ADAM28: variants seen among roughly 807,000 people sequenced by gnomAD.
ADAM28 encodes the protein disintegrin and metalloproteinase domain-containing protein 28.
In ADAM28, 105 loss-of-function variants were observed where a neutral mutation model predicts 101.2. That is an observed-to-expected ratio of 1.04 (90% CI 0.89 to 1.22). The LOEUF is 1.22. Ranked by LOEUF, ADAM28 falls within the 50% of genes most tolerant of loss-of-function variation. ADAM28 has a pLI of 0.00. For missense variants in ADAM28, 1,028 were observed against 945.4 expected (o/e 1.09, Z -1.15); for synonymous variants, 322 against 310.6 (o/e 1.04, Z -0.39).
rs574839564 is a variant in ADAM28 at position 24,319,116 on chromosome 8, T to C, written c.577-1120T>C. On this transcript the variant is annotated intron_variant, in intron 6 of 22. Coordinates refer to ENST00000265769, the MANE Select transcript of ADAM28 (RefSeq NM_014265.6). ...TATGTTATAAAAACACAAGCACTTT[T>C]TTTCTATGCTCTAAATATGCCAATA... 1.5e-3 allele frequency among the ~76,000 whole-genome samples: 230 copies of C among 152,126 alleles called. 4 individuals carry two copies. The South Asian group carries it at 0.021, about 14-fold the overall frequency.
intron 9 of ADAM28, among the ~76,000 whole-genome samples, chr8:24,326,344 C>G (rs141600475): frequency 9.2e-5 from 14 of 152,046 alleles, no homozygotes; most frequent in Non-Finnish European, 1.6e-4. Context: ...AAATATTCAA[C>G]ATAATTCTAT....
At chr8:24,350,287 C>T (rs1312864376) in intron 19 of ADAM28, among the ~76,000 whole-genome samples, 2 of 151,994 alleles carry the variant, frequency 1.3e-5, no homozygotes, top group African/African-American at 2.4e-5. Context: ...GATCAATATA[C>T]GATGAGCACT....
chr8:24,318,144 G>C (rs1811406376), intron 6 of ADAM28, among the ~76,000 whole-genome samples: 1 of 151,968 alleles, frequency 6.6e-6, no homozygotes, highest in African/African-American at 2.4e-5. Context: ...TGAACAGTTG[G>C]CCACCTTTGA....
chr8:24,350,761 T>G (rs1415732902), intron 19 of ADAM28, among the ~76,000 whole-genome samples: 1 of 152,160 alleles, frequency 6.6e-6, no homozygotes, highest in African/African-American at 2.4e-5. Context: ...TTGATGGATA[T>G]AGAAACAAGC....
At chr8:24,351,929 TA>T in intron 20 of ADAM28, 57 bp from the exon 21 acceptor site, 2 of 1,586,332 alleles carry the variant, frequency 1.3e-6, no homozygotes, top group Middle Eastern at 1.7e-4. Flanking sequence ...AAAAATTACT[TA>T]AAAACTGTGC....
At chr8:24,328,929 A>AG (rs200581898) in intron 10 of ADAM28, among the ~76,000 whole-genome samples, 2,154 of 152,008 alleles carry the variant, frequency 0.014, 54 homozygotes, top group African/African-American at 0.049. Context: ...CTCAAAAAAA[A>AG]AAAATGGACC....
rs563234270 is a variant in ADAM28, at chr8:24,311,266, G to C, written c.307-95G>C. 2.2e-4 allele frequency: 184 copies of C among 834,128 alleles called. 4 individuals carry two copies. The South Asian group carries it at 3.2e-3, about 15-fold the overall frequency. 51.7% of individuals were successfully genotyped at this position (834,128 alleles called of 1,614,324 possible). ...TTGTACAGCAGAATATTGTTTGAAA[G>C]CATTTAAAATCCTGTTTCAAGATTT... is the stretch of plus-strand genomic sequence containing the variant. On this transcript the variant is annotated intron_variant, in intron 4 of 22. Transcript: ENST00000265769.
At chr8:24,301,821 C>G (rs1808820090) in intron 2 of ADAM28, among the ~76,000 whole-genome samples, 1 of 152,158 alleles carries the variant, frequency 6.6e-6, no homozygotes, top group African/African-American at 2.4e-5. Context: ...TTCTGTTACA[C>G]TAAAGTCTAA....
intron 2 of ADAM28, 112 bp downstream of exon 2, chr8:24,300,189 T>C: frequency 1.2e-5 from 10 of 861,450 alleles, no homozygotes; most frequent in Non-Finnish European, 1.6e-5. Context: ...TATGTTTATA[T>C]ATGTGTGTGT....
chr8:24,352,679 T>C (rs115187102), intron 21 of ADAM28, among the ~76,000 whole-genome samples: 2,777 of 152,236 alleles, frequency 0.018, 98 homozygotes, highest in African/African-American at 0.064. Context: ...CCTATTGACA[T>C]TGGACTTAGG....
intron 1 of ADAM28, among the ~76,000 whole-genome samples, chr8:24,295,050 C>A (rs1807780672): frequency 6.6e-6 from 1 of 152,174 alleles, no homozygotes; most frequent in African/African-American, 2.4e-5. Context: ...AACAGATTAT[C>A]AACTAGAGGT....
intron 2 of ADAM28, among the ~76,000 whole-genome samples, chr8:24,305,550 C>T (rs1408176581): frequency 7.2e-6 from 1 of 138,072 alleles, no homozygotes; most frequent in African/African-American, 2.7e-5. Context: ...AACATAAATA[C>T]TTGTTTCATT....
chr8:24,329,125 G>A (rs1410152184), intron 10 of ADAM28, among the ~76,000 whole-genome samples: 1 of 151,894 alleles, frequency 6.6e-6, no homozygotes, highest in Non-Finnish European at 1.5e-5. Flanking sequence ...TCCCCATTTG[G>A]AGCACTCCAT....
In ADAM28 at chr8:24,358,842, TA is replaced by T. The variant is rs1235058577; in HGVS notation, c.*4441del. On this transcript the variant is annotated 3_prime_UTR_variant, in exon 23 of 23. Coordinates refer to ENST00000265769, the MANE Select transcript of ADAM28 (RefSeq NM_014265.6). Reference sequence around the variant, plus strand: ...ACGGTTTATCTCCTTCACCTCATATTAAAGTCCATACTCTTGGGATATATCT... The same window carrying T: ...ACGGTTTATCTCCTTCACCTCATATTAAGTCCATACTCTTGGGATATATCT... The T allele has an allele frequency of 6.6e-6, 1 of 152,166 alleles. No individual in the cohort carries two copies. The highest frequency in any genetic ancestry group is 1.5e-5 in the Non-Finnish European group (1 of 68,022). The allele number at this position is 152,166 out of a possible 1,614,324, so 9.4% of individuals were successfully genotyped here.
chr8:24,311,848 C>CCTACCTCA (rs1301323135), intron 5 of ADAM28, among the ~76,000 whole-genome samples: 1 of 152,100 alleles, frequency 6.6e-6, no homozygotes, highest in African/African-American at 2.4e-5. Flanking sequence ...AAGTGATTCT[C>CCTACCTCA]CTACCTCAGC....
intron 2 of ADAM28, among the ~76,000 whole-genome samples, chr8:24,303,281 C>T (rs1383925429): frequency 6.6e-6 from 1 of 152,098 alleles, no homozygotes; most frequent in Non-Finnish European, 1.5e-5. Flanking sequence ...TTTGGGTTTA[C>T]ATTTGAGTTT....
chr8:24,331,274 T>C lies in ADAM28; in HGVS notation c.1228T>C (p.Cys410Arg), dbSNP rs1563305595. 1.2e-6 allele frequency: 2 copies of C among 1,612,912 alleles called. No individual in the cohort carries two copies. Among genetic ancestry groups the C allele is most frequent in the East Asian group, 4.5e-5 (2 of 44,850 alleles). Reference sequence around the variant, plus strand: ...TACAGATATCATATCCACTCCAATTTGTGGGAACCAGTTGGTGGAAATGGG... The same window carrying C: ...TACAGATATCATATCCACTCCAATTCGTGGGAACCAGTTGGTGGAAATGGG... Reference protein sequence around the residue: ...LPTDIISTPICGNQLVEMGED... With the variant: ...LPTDIISTPIRGNQLVEMGED... Residue 410 changes from cysteine to arginine, a missense_variant, in exon 12 of 23, where the codon TGT becomes CGT. Transcript: ENST00000265769.
Position 24,325,871 on chromosome 8 carries a change from C to CAAAAAAAAA in ADAM28, c.891-662_891-654dup, listed in dbSNP as rs5890146. On this transcript the variant is annotated intron_variant, in intron 9 of 22. Coordinates refer to ENST00000265769, the MANE Select transcript of ADAM28 (RefSeq NM_014265.6). ...AAGGGCCAGGATCTTGTACAGATAG[C>CAAAAAAAAA]AAAAAAAAAAAAAAAAAAAAAAAAA... Among the ~76,000 whole-genome samples the CAAAAAAAAA allele has an allele frequency of 2.4e-3, 50 of 20,416 alleles. 1 individual carries two copies. Among genetic ancestry groups the CAAAAAAAAA allele is most frequent in the African/African-American group, 3.1e-3 (14 of 4,532 alleles). The allele number at this position is 20,416 out of a possible 152,430, so 13.4% of individuals were successfully genotyped here.
Position 24,329,998 on chromosome 8 carries a change from ATCT to A in ADAM28, c.991_993del (p.Leu331del), listed in dbSNP as rs774712892. On this transcript the variant is annotated inframe_deletion, in exon 11 of 23. Transcript: ENST00000265769. ...TCATACCTTTAGGACCACAGCGATA[ATCT>A]TCTTAGAGTTGCAGGGACAATGGCA... 175 of 1,612,880 alleles carry A rather than the reference ATCT, an allele frequency of 1.1e-4. No individual in the cohort carries two copies. Among genetic ancestry groups the A allele is most frequent in the Non-Finnish European group, 3.8e-5 (45 of 1,179,458 alleles).
Sources: allele counts gnomAD v4.1 joint callset (sites outside exome capture counted in the v4.1 genomes callset), GRCh38; gene constraint gnomAD v4.1.1; transcripts MANE v1.5; gene names NCBI Gene and HGNC (gene_info 2026-07-23, HGNC 2026-07-21).